Variants in CDK17 observed in about 807,000 individuals in gnomAD.
The protein encoded by CDK17 is cyclin dependent kinase 17.
In CDK17, 24 loss-of-function variants were observed where a neutral mutation model predicts 77.6. The observed-to-expected ratio is 0.31, with a 90% CI of 0.22 to 0.44. The LOEUF (loss-of-function observed/expected upper bound fraction) is 0.44. Among genes scored for constraint, CDK17 ranks in the 20% least tolerant of loss-of-function variants. The pLI is 1.00. For synonymous variants in CDK17, 203 were observed against 210.4 expected (o/e 0.96, Z 0.30); for missense variants, 429 against 622.5 (o/e 0.69, Z 3.31).
chr12:96,368,882 A>C (rs1309527844), intron 1 of CDK17, among the ~76,000 whole-genome samples: 1 of 149,990 alleles, frequency 6.7e-6, no homozygotes, highest in African/African-American at 2.5e-5. Flanking sequence ...GGTAACTACA[A>C]AGTCTTCTTT....
At chr12:96,355,606 C>T (rs1953382211) in intron 1 of CDK17, among the ~76,000 whole-genome samples, 1 of 151,964 alleles carries the variant, frequency 6.6e-6, no homozygotes, top group Admixed American at 6.6e-5. Context: ...CAGGGTTTCA[C>T]CATGTTGGCG....
chr12:96,390,708 C>CAAAAAA (rs71097285), intron 1 of CDK17, among the ~76,000 whole-genome samples: 3 of 43,512 alleles, frequency 6.9e-5, no homozygotes, highest in South Asian at 6.8e-4. Context: ...GACTCCATCT[C>CAAAAAA]AAAAAAAAAA....
chr12:96,280,251 C>G lies in CDK17; in HGVS notation c.1563G>C (p.Met521Ile). ...TGHGKNRRQSMLF is the reference protein window; with the variant it reads ...TGHGKNRRQSILF ...AACCATGTTATCAGACTTAAAAGAG[C>G]ATGCTCTGTCTTCTGTTCTTCCCAT... Residue 521 changes from methionine to isoleucine, a missense_variant, in exon 17 of 17, where the codon ATG becomes ATC. By Grantham distance (10) the Met-to-Ile change is conservative (BLOSUM62 1). Around this residue, in one of 4 missense-constraint regions of CDK17, gnomAD observed 115 missense variants for 124.2 expected, o/e 0.93. Transcript: ENST00000261211. The G allele has an allele frequency of 6.4e-7, 1 of 1,551,070 alleles. No homozygotes were observed. Among genetic ancestry groups the G allele is most frequent in the East Asian group, 2.4e-5 (1 of 40,874 alleles).
intron 3 of CDK17, among the ~76,000 whole-genome samples, chr12:96,317,009 G>A (rs1367746310): frequency 3.3e-4 from 47 of 143,290 alleles, no homozygotes; most frequent in Non-Finnish European, 5.5e-4. Context: ...AAATTACTCT[G>A]AGCTACGGGA....
intron 1 of CDK17, among the ~76,000 whole-genome samples, chr12:96,367,539 C>T (rs550889183): frequency 6.6e-6 from 1 of 151,980 alleles, no homozygotes; most frequent in East Asian, 1.9e-4. Context: ...TAATATTACT[C>T]TCAGTTATGA....
intron 10 of CDK17, among the ~76,000 whole-genome samples, chr12:96,291,687 T>C (rs1952327040): frequency 6.6e-6 from 1 of 150,502 alleles, no homozygotes. Context: ...GGCATGATCT[T>C]GGCTCACTGC....
At chr12:96,322,453 C>G (rs1952834304) in intron 3 of CDK17, among the ~76,000 whole-genome samples, 2 of 151,514 alleles carry the variant, frequency 1.3e-5, no homozygotes. Context: ...AGACTGTATG[C>G]CCATAAAACC....
intron 13 of CDK17, 146 bp from the exon 14 acceptor site, chr12:96,283,791 T>A (rs1952208663): frequency 1.1e-5 from 6 of 551,146 alleles, no homozygotes; most frequent in Non-Finnish European, 1.9e-5. Context: ...GACACAAATC[T>A]GTTTTAGTCT....
intron 1 of CDK17, among the ~76,000 whole-genome samples, chr12:96,386,339 A>G (rs1953975211): frequency 6.6e-6 from 1 of 152,098 alleles, no homozygotes; most frequent in South Asian, 2.1e-4. Context: ...AAATTTCCAC[A>G]TTTATGTTCG....
chr12:96,370,803 T>C (rs1953678537), intron 1 of CDK17, among the ~76,000 whole-genome samples: 1 of 152,216 alleles, frequency 6.6e-6, no homozygotes, highest in Admixed American at 6.5e-5. Context: ...TGAAAATAGT[T>C]TTTTTAAGAT....
At position 96,286,093 on chromosome 12, in the gene CDK17, G is replaced by A; in HGVS notation, c.1272C>T (p.Asn424=). The change falls in exon 13 of 17, where the codon AAC becomes AAT. Residue 424 remains asparagine, a synonymous_variant. Coordinates refer to ENST00000261211, the MANE Select transcript of CDK17 (RefSeq NM_002595.5). ...PGISSNEEFK[N]YNFPKYKPQP... ...GTGGTTTATATTTTGGAAAGTTGTA[G>A]TTCTTGAACTCCTCATTTGAAGAAA... 1 of 1,523,382 alleles carries A rather than the reference G, an allele frequency of 6.6e-7. No individual in the cohort carries two copies. 94.4% of individuals were successfully genotyped at this position (1,523,382 alleles called of 1,614,324 possible).
chr12:96,282,652 A>C (rs1952192557), intron 14 of CDK17, 53 bp from the exon 15 acceptor site: 2 of 1,197,138 alleles, frequency 1.7e-6, no homozygotes, highest in Non-Finnish European at 2.5e-6. Context: ...TTACTGCAAA[A>C]AGTAGGAGAT....
At chr12:96,351,314 A>G (rs982238675) in intron 1 of CDK17, among the ~76,000 whole-genome samples, 8 of 45,718 alleles carry the variant, frequency 1.7e-4, no homozygotes, top group South Asian at 7.6e-4. Context: ...TCCTAGGGAT[A>G]TACCAAAAAA....
chr12:96,281,453 C>T (rs1952177109), intron 15 of CDK17, among the ~76,000 whole-genome samples: 1 of 152,256 alleles, frequency 6.6e-6, no homozygotes, highest in Non-Finnish European at 1.5e-5. Flanking sequence ...ACTGCAACCT[C>T]CGCCTCCCAG....
intron 15 of CDK17, among the ~76,000 whole-genome samples, chr12:96,281,572 T>C (rs539836723): frequency 6.6e-6 from 1 of 152,328 alleles, no homozygotes; most frequent in South Asian, 2.1e-4. Context: ...TTTCCCCATG[T>C]TGGTCAGCCT....
At chr12:96,341,134 G>A (rs1953115626) in intron 1 of CDK17, among the ~76,000 whole-genome samples, 2 of 152,094 alleles carry the variant, frequency 1.3e-5, no homozygotes, top group Admixed American at 1.3e-4. Context: ...AGAATAAATG[G>A]ATGAATCTGG....
At chr12:96,391,511 G>A (rs1164355393) in intron 1 of CDK17, among the ~76,000 whole-genome samples, 6 of 151,896 alleles carry the variant, frequency 4.0e-5, no homozygotes, top group Admixed American at 2.0e-4. Context: ...GGCTGGTCTC[G>A]AACCCCTGAC....
At chr12:96,381,679 C>T (rs1953885159) in intron 1 of CDK17, among the ~76,000 whole-genome samples, 1 of 150,926 alleles carries the variant, frequency 6.6e-6, no homozygotes, top group African/African-American at 2.4e-5. Flanking sequence ...AAGTGTTTTG[C>T]CACACTAGAT....
Position 96,297,735 on chromosome 12 carries a change from A to G in CDK17, c.716-14T>C, listed in dbSNP as rs1330217943. The G allele has an allele frequency of 1.4e-6, 2 of 1,402,804 alleles. No individual in the cohort carries two copies. The highest frequency in any genetic ancestry group is 3.7e-5 in the Admixed American group (2 of 54,230). The allele number at this position is 1,402,804 out of a possible 1,614,324, so 86.9% of individuals were successfully genotyped here. A position where few individuals can be genotyped will look rare whatever the true frequency, so the allele number is the denominator to read the frequency against. On this transcript the variant is annotated splice_polypyrimidine_tract_variant and intron_variant, in intron 7 of 16. Coordinates refer to ENST00000261211, the MANE Select transcript of CDK17 (RefSeq NM_002595.5). The stretch of plus-strand genomic sequence containing the variant: ...TTAATAGTGAAACTGCAAAACAGAA[A>G]AAGAAAATTGTTTAGTCTGTGGCAG...
Sources: allele counts gnomAD v4.1 joint callset (sites outside exome capture counted in the v4.1 genomes callset), GRCh38; gene constraint gnomAD v4.1.1; regional missense constraint gnomAD v4.1.1; transcripts MANE v1.5; gene names NCBI Gene and HGNC (gene_info 2026-07-23, HGNC 2026-07-21).